The following LDB2 variants were observed in gnomAD, a reference collection of about 807,000 sequenced individuals.
The protein encoded by LDB2 is LIM domain-binding protein 2.
Under a neutral mutation model 44.3 loss-of-function variants are expected in LDB2, and 12 were observed. The ratio of observed to expected loss-of-function variants is 0.27; its 90% confidence interval spans 0.17 to 0.44. The LOEUF (loss-of-function observed/expected upper bound fraction) is 0.44. Among genes scored for constraint, LDB2 ranks in the 20% least tolerant of loss-of-function variants. LDB2 has a pLI of 1.00. For missense variants in LDB2, 344 were observed against 473.5 expected, an observed-to-expected ratio of 0.73 and a Z score of 2.54; for synonymous variants, 164 against 174.8, an observed-to-expected ratio of 0.94 and a Z score of 0.49.
chr4:16,520,529 C>T (rs547286775), intron 5 of LDB2, among the ~76,000 whole-genome samples: 2 of 152,280 alleles, frequency 1.3e-5, no homozygotes, highest in African/African-American at 4.8e-5. Flanking sequence ...TCCTTTTTAT[C>T]TGAAGATGCA....
rs917433241 is a variant in LDB2 at position 16,879,100 on chromosome 4, A to G, written c.132+19254T>C. Reference sequence around the variant, plus strand: ...AATGTCTGTTTTTATGCGGTATTGTATGCTAAACACCTGGCTCTGCTTGAT... The same window carrying G: ...AATGTCTGTTTTTATGCGGTATTGTGTGCTAAACACCTGGCTCTGCTTGAT... On this transcript the variant is annotated intron_variant, in intron 1 of 7. Transcript: ENST00000304523. 4.6e-5 allele frequency among the ~76,000 whole-genome samples: 7 copies of G among 152,188 alleles called. No homozygotes were observed. The East Asian group carries it at 1.3e-3, about 29-fold the overall frequency.
intron 5 of LDB2, among the ~76,000 whole-genome samples, chr4:16,540,721 T>A (rs1047066726): frequency 2.0e-5 from 3 of 152,186 alleles, no homozygotes; most frequent in Non-Finnish European, 4.4e-5. Flanking sequence ...TTTTATTTTT[T>A]AAAAATCTAT....
chr4:16,666,749 T>A (rs1307599579), intron 2 of LDB2, among the ~76,000 whole-genome samples: 1 of 152,234 alleles, frequency 6.6e-6, no homozygotes, highest in Admixed American at 6.5e-5. Flanking sequence ...ATCGTGGTAT[T>A]TGAATGACAA....
chr4:16,871,351 G>A (rs1319792941), intron 1 of LDB2, among the ~76,000 whole-genome samples: 2 of 147,640 alleles, frequency 1.4e-5, no homozygotes, highest in East Asian at 3.9e-4. Context: ...TTTGTTGACT[G>A]TGTAGATTTA....
rs867511523 is a variant in LDB2 at position 16,594,711 on chromosome 4, C to T, written c.408+992G>A. Among the ~76,000 whole-genome samples the T allele has an allele frequency of 5.9e-5, 9 of 152,282 alleles. No individual in the cohort carries two copies. In the South Asian group the frequency reaches 1.7e-3, roughly 28 times the overall value. On this transcript the variant is annotated intron_variant, in intron 3 of 7. Coordinates refer to ENST00000304523, the MANE Select transcript of LDB2 (RefSeq NM_001290.5). Reference sequence around the variant, plus strand: ...AAAATTGCATAAGTAATAAACACATCTTCAGTTTTATACATTGGGCTTCTG... The same window carrying T: ...AAAATTGCATAAGTAATAAACACATTTTCAGTTTTATACATTGGGCTTCTG...
chr4:16,567,367 A>AGTGTGT (rs752692367), intron 5 of LDB2, among the ~76,000 whole-genome samples: 1 of 83,150 alleles, frequency 1.2e-5, no homozygotes. Flanking sequence ...GCAGACATAG[A>AGTGTGT]GTGTGTGTGT....
intron 2 of LDB2, among the ~76,000 whole-genome samples, chr4:16,622,356 G>A (rs568905910): frequency 6.6e-6 from 1 of 152,308 alleles, no homozygotes; most frequent in South Asian, 2.1e-4. Context: ...TGACATAAAT[G>A]AACCAGATAC....
intron 5 of LDB2, among the ~76,000 whole-genome samples, chr4:16,515,852 T>A (rs142770434): frequency 2.2e-4 from 30 of 139,422 alleles, no homozygotes; most frequent in African/African-American, 7.6e-4. Context: ...TTATTTATTT[T>A]ATTATTTATT....
At chr4:16,791,571 A>AAAAAAAAAAAAAAAAAAAAAAC (rs1775758924) in intron 1 of LDB2, among the ~76,000 whole-genome samples, 1 of 150,896 alleles carries the variant, frequency 6.6e-6, no homozygotes, top group Non-Finnish European at 1.5e-5. Flanking sequence ...AAAAAAAAAA[A>AAAAAAAAAAAAAAAAAAAAAAC]AGAAAGACAG....
chr4:16,838,025 T>C (rs754993290), intron 1 of LDB2, among the ~76,000 whole-genome samples: 9 of 152,176 alleles, frequency 5.9e-5, no homozygotes, highest in Non-Finnish European at 1.3e-4. Flanking sequence ...TCACACAGTT[T>C]GAATACAGAG....
rs189583724 is a variant in LDB2 at position 16,539,681 on chromosome 4, A to G, written c.616-27577T>C. On this transcript the variant is annotated intron_variant, in intron 5 of 7. Transcript: ENST00000304523. ...TTCAGTTACTCCCCCAAAAGAGGTC[A>G]AACAATGGTCTTTTCATCTAGAGTC... Among the ~76,000 whole-genome samples, 5 of 152,284 alleles carry G rather than the reference A, an allele frequency of 3.3e-5. No homozygotes were observed. In the East Asian group the frequency reaches 9.7e-4, roughly 29 times the overall value.
chr4:16,814,623 G>A (rs767735672), intron 1 of LDB2, among the ~76,000 whole-genome samples: 1 of 152,182 alleles, frequency 6.6e-6, no homozygotes, highest in Non-Finnish European at 1.5e-5. Flanking sequence ...CCTAGCTGAT[G>A]CAACAATATA....
chr4:16,570,730 T>A (rs1268978238), intron 5 of LDB2, among the ~76,000 whole-genome samples: 9 of 147,236 alleles, frequency 6.1e-5, no homozygotes, highest in Admixed American at 6.1e-4. Context: ...AGGGAGCCAG[T>A]CATAAAAAAA....
Position 16,643,761 on chromosome 4 carries a change from T to TA in LDB2, c.236-47887dup, listed in dbSNP as rs530817482. On this transcript the variant is annotated intron_variant, in intron 2 of 7. Transcript: ENST00000304523. Reference sequence around the variant, plus strand: ...TACAGCGTAATTAACGTTGTTTAAATAAAAAAAAAACCCTGCCCAGTAATT... The same window carrying TA: ...TACAGCGTAATTAACGTTGTTTAAATAAAAAAAAAAACCCTGCCCAGTAATT... Among the ~76,000 whole-genome samples the TA allele has an allele frequency of 2.9e-3, 431 of 147,894 alleles. 3 individuals are homozygous for TA. The highest frequency in any genetic ancestry group is 7.8e-3 in the South Asian group (36 of 4,636).
At chr4:16,762,504 T>C (rs1485163516) in intron 1 of LDB2, among the ~76,000 whole-genome samples, 1 of 152,044 alleles carries the variant, frequency 6.6e-6, no homozygotes, top group African/African-American at 2.4e-5. Flanking sequence ...AAATTTACAA[T>C]CATGGTGGAA....
chr4:16,568,888 C>A (rs1267017212), intron 5 of LDB2, among the ~76,000 whole-genome samples: 1 of 152,228 alleles, frequency 6.6e-6, no homozygotes, highest in Non-Finnish European at 1.5e-5. Flanking sequence ...CGAAGCCTGA[C>A]CCCTCTTCAA....
chr4:16,528,209 G>A (rs1367793073), intron 5 of LDB2, among the ~76,000 whole-genome samples: 3 of 152,116 alleles, frequency 2.0e-5, no homozygotes, highest in African/African-American at 7.2e-5. Context: ...GACTCAGGGC[G>A]AAAGGGAGGG....
chr4:16,581,982 G>A (rs1040192356), intron 5 of LDB2, among the ~76,000 whole-genome samples: 1 of 113,756 alleles, frequency 8.8e-6, no homozygotes, highest in Non-Finnish European at 1.8e-5. Flanking sequence ...AAGGAAGGAA[G>A]GGAAGGAAGG....
intron 1 of LDB2, among the ~76,000 whole-genome samples, chr4:16,807,674 AAC>A (rs1463810358): frequency 6.6e-6 from 1 of 152,216 alleles, no homozygotes; most frequent in Non-Finnish European, 1.5e-5. Context: ...GTTGTGGAGA[AAC>A]ACAAGCCCTT....
Sources: allele counts gnomAD v4.1 joint callset (sites outside exome capture counted in the v4.1 genomes callset), GRCh38; gene constraint gnomAD v4.1.1; transcripts MANE v1.5; gene names NCBI Gene and HGNC (gene_info 2026-07-23, HGNC 2026-07-21).